The following COMMD4 variants were observed in gnomAD, a reference collection of about 807,000 sequenced individuals.
The protein encoded by COMMD4 is COMM domain containing 4, also known as COMM domain-containing protein 4.
In COMMD4, 18 loss-of-function variants were observed where a neutral mutation model predicts 27.5. The observed-to-expected ratio is 0.65, with a 90% CI of 0.45 to 0.97. COMMD4 has a LOEUF of 0.97. COMMD4 is among the 50% of genes least tolerant of loss of function. COMMD4 has a pLI of 0.00. For synonymous variants in COMMD4, 108 were observed against 108.4 expected, an observed-to-expected ratio of 1.00 and a Z score of 0.02; for missense variants, 243 against 250.0, an observed-to-expected ratio of 0.97 and a Z score of 0.19.
At position 75,338,338 on chromosome 15, in the gene COMMD4, A is replaced by C. The variant is rs763109492; in HGVS notation, c.76-17A>C. On this transcript the variant is annotated splice_polypyrimidine_tract_variant and intron_variant, in intron 2 of 7. Coordinates refer to ENST00000267935, the MANE Select transcript of COMMD4 (RefSeq NM_017828.5). ...TGAGGTTTGCCAGCCTGGCTGATGT[A>C]AGGACTTCCCTTCCAGTCCTCTGTG... The C allele has an allele frequency of 8.2e-6, 13 of 1,586,102 alleles. No homozygotes were observed. Among genetic ancestry groups the C allele is most frequent in the Non-Finnish European group, 1.1e-5 (13 of 1,163,690 alleles).
intron 7 of COMMD4, 31 bp from the exon 8 acceptor site, chr15:75,339,933 GC>G: frequency 3.1e-6 from 5 of 1,614,104 alleles, no homozygotes; most frequent in Non-Finnish European, 4.2e-6. Context: ...CCGCCTGACT[GC>G]CTCCCACCTG....
downstream of COMMD4, chr15:75,341,546 T>C (rs1367453843): frequency 6.6e-6 from 1 of 152,056 alleles, no homozygotes; most frequent in Non-Finnish European, 1.5e-5. Context: ...ATGTTACATA[T>C]AAAACAAACA....
At position 75,340,091 on chromosome 15, in the gene COMMD4, G is replaced by C. The variant is rs188362483; in HGVS notation, c.*86G>C. ...AACTGCTCTTCGGGAGGCAGCCCTG[G>C]TTCTAGGATGCTGAGGCCCTGGCCC... On this transcript the variant is annotated 3_prime_UTR_variant, in exon 8 of 8. Coordinates refer to ENST00000267935, the MANE Select transcript of COMMD4 (RefSeq NM_017828.5). The C allele has an allele frequency of 1.1e-5, 17 of 1,495,854 alleles. No individual in the cohort carries two copies. In the South Asian group the frequency reaches 1.7e-4, roughly 15 times the overall value. 92.7% of individuals were successfully genotyped at this position (1,495,854 alleles called of 1,614,324 possible).
chr15:75,338,070 G>T lies in COMMD4; in HGVS notation c.12G>T (p.Arg4=). 1.9e-6 allele frequency: 3 copies of T among 1,606,982 alleles called. No individual in the cohort carries two copies. The highest frequency in any genetic ancestry group is 2.5e-6 in the Non-Finnish European group (3 of 1,176,632). MRF[R]FCGDLDCPDW... is the part of the protein sequence containing the mutation. Reference sequence around the variant, plus strand: ...GCCTCCCTCCCTTGCAGAGGTTCCGGTTCTGTGGTGATCTGGACTGTCCCG... The same window carrying T: ...GCCTCCCTCCCTTGCAGAGGTTCCGTTTCTGTGGTGATCTGGACTGTCCCG... The change falls in exon 2 of 8, where the codon CGG becomes CGT. Residue 4 remains arginine (R), a synonymous_variant. Coordinates refer to ENST00000267935, the MANE Select transcript of COMMD4 (RefSeq NM_017828.5).
intron 3 of COMMD4, 57 bp from the exon 4 acceptor site, chr15:75,338,589 G>A (rs760823201): frequency 6.2e-7 from 1 of 1,603,538 alleles, no homozygotes; most frequent in South Asian, 1.1e-5. Flanking sequence ...CCAGGCTGGG[G>A]GTGAGGGGCT....
At chr15:75,340,975 T>A (rs2071424123), downstream of COMMD4, 2 of 152,260 alleles carry the variant, frequency 1.3e-5, no homozygotes, top group African/African-American at 4.8e-5. Flanking sequence ...AAGAGAGAAG[T>A]GACCATGCCT....
intron 1 of COMMD4, chr15:75,336,541 AAGT>A (rs2071198856): frequency 3.3e-6 from 1 of 304,504 alleles, no homozygotes. Flanking sequence ...CAGAGCCAGA[AAGT>A]AGTAGTTTTG....
Position 75,337,632 on chromosome 15 carries a change from A to AGCAGG in COMMD4, c.4-429_4-425dup, listed in dbSNP as rs749100394. 433 of 194,590 alleles carry AGCAGG rather than the reference A, an allele frequency of 2.2e-3. 2 individuals carry two copies. Among genetic ancestry groups the AGCAGG allele is most frequent in the Non-Finnish European group, 2.5e-3 (234 of 95,412 alleles). The allele number at this position is 194,590 out of a possible 1,614,324, so 12.1% of individuals were successfully genotyped here. ...GGATAGCAAGCCACACAGAGAGTGC[A>AGCAGG]GCAGGCATGGAGGCGGGAGCAAGGC... is the stretch of plus-strand genomic sequence containing the variant. On this transcript the variant is annotated intron_variant, in intron 1 of 7. Transcript: ENST00000267935.
chr15:75,342,222 A>G (rs897935531), downstream of COMMD4: 4 of 151,860 alleles, frequency 2.6e-5, no homozygotes, highest in African/African-American at 9.7e-5. Context: ...AGAGACAAAT[A>G]CCTCGTCACC....
downstream of COMMD4, chr15:75,340,915 G>A (rs2071423560): frequency 6.6e-6 from 1 of 151,746 alleles, no homozygotes; most frequent in African/African-American, 2.4e-5. Context: ...CCAAAGTGCT[G>A]GGATTACAGG....
In COMMD4 at chr15:75,340,138, C is replaced by G; in HGVS notation, c.*133C>G. The G allele has an allele frequency of 9.9e-7, 1 of 1,005,436 alleles. No homozygotes were observed. The allele number at this position is 1,005,436 out of a possible 1,614,324, so 62.3% of individuals were successfully genotyped here. On this transcript the variant is annotated 3_prime_UTR_variant, in exon 8 of 8. Coordinates refer to ENST00000267935, the MANE Select transcript of COMMD4 (RefSeq NM_017828.5). ...GCCCGGACTCTGGCCTCCCAGATCC[C>G]CAGCTGCCTCACTTCTCTCTTGAGA...
At chr15:75,342,657 G>A (rs960643730), downstream of COMMD4, 3 of 152,190 alleles carry the variant, frequency 2.0e-5, no homozygotes, top group African/African-American at 2.4e-5. Flanking sequence ...CAAAGTTCCA[G>A]TTAGGAGGAG....
rs746027459 is a variant in COMMD4, at chr15:75,340,027, G to A, written c.*22G>A. ...CTGAGGAGAAGGGTGTTCCAGGCCTGTGTGGAGCCGCCCTGCCCGTATGGA... is the reference window on the plus strand; with the variant it reads ...CTGAGGAGAAGGGTGTTCCAGGCCTATGTGGAGCCGCCCTGCCCGTATGGA... On this transcript the variant is annotated 3_prime_UTR_variant, in exon 8 of 8. Coordinates refer to ENST00000267935, the MANE Select transcript of COMMD4 (RefSeq NM_017828.5). The A allele has an allele frequency of 6.2e-7, 1 of 1,613,430 alleles. No individual in the cohort carries two copies. The highest frequency in any genetic ancestry group is 8.5e-7 in the Non-Finnish European group (1 of 1,179,748).
chr15:75,338,404 T>C lies in COMMD4; in HGVS notation c.125T>C (p.Leu42Pro). The part of the protein sequence containing the change: ...LLCSQVLKEL[L>P]GQGIDYEKIL... ...TGCAGCCAGGTACTAAAGGAGCTGC[T>C]GGGACAGGGGATTGATGTGAGTACA... The change falls in exon 3 of 8, where the codon CTG becomes CCG. Residue 42 changes from leucine to proline, a missense_variant. Coordinates refer to ENST00000267935, the MANE Select transcript of COMMD4 (RefSeq NM_017828.5). The C allele has an allele frequency of 6.2e-7, 1 of 1,602,660 alleles. No homozygotes were observed. Among genetic ancestry groups the C allele is most frequent in the Admixed American group, 1.7e-5 (1 of 58,578 alleles).
At position 75,338,398 on chromosome 15, in the gene COMMD4, A is replaced by T. The variant is rs2071299796; in HGVS notation, c.119A>T (p.Glu40Val). 1 of 1,600,972 alleles carries T rather than the reference A, an allele frequency of 6.2e-7. No individual in the cohort carries two copies. Among genetic ancestry groups the T allele is most frequent in the African/African-American group, 1.3e-5 (1 of 74,702 alleles). Residue 40 changes from glutamate to valine, a missense_variant, in exon 3 of 8, where the codon GAG (glutamate) becomes GTG (valine). Glu to Val is a moderately radical substitution (Grantham distance 121). Transcript: ENST00000267935. ...LRLLCSQVLK[E>V]LLGQGIDYEK... ...CTGCTCTGCAGCCAGGTACTAAAGG[A>T]GCTGCTGGGACAGGGGATTGATGTG...
chr15:75,340,020 C>G lies in COMMD4; in HGVS notation c.*15C>G, dbSNP rs781140222. The G allele has an allele frequency of 2.0e-5, 33 of 1,613,836 alleles. No individual in the cohort carries two copies. Among genetic ancestry groups the G allele is most frequent in the Non-Finnish European group, 2.7e-5 (32 of 1,179,848 alleles). ...CCCTGGGCTGAGGAGAAGGGTGTTCCAGGCCTGTGTGGAGCCGCCCTGCCC... is the reference window on the plus strand; with the variant it reads ...CCCTGGGCTGAGGAGAAGGGTGTTCGAGGCCTGTGTGGAGCCGCCCTGCCC... On this transcript the variant is annotated 3_prime_UTR_variant, in exon 8 of 8. Transcript: ENST00000267935.
In COMMD4 at chr15:75,339,296, G is replaced by A. The variant is rs770122258; in HGVS notation, c.334G>A (p.Glu112Lys). Residue 112 changes from glutamate to lysine, a missense_variant, in exon 6 of 8, where the codon GAG becomes AAG. Physicochemically the swap from Glu to Lys is moderately conservative, Grantham distance 56. Transcript: ENST00000267935. Reference sequence around the variant, plus strand: ...GGCCAGCCTGTGCCGCTGTTATGAGGAGAAGCAAAGCCCCTTGCAGAAGCA... The same window carrying A: ...GGCCAGCCTGTGCCGCTGTTATGAGAAGAAGCAAAGCCCCTTGCAGAAGCA... ...HAASLCRCYEEKQSPLQKHLR... is the reference protein window; with the variant it reads ...HAASLCRCYEKKQSPLQKHLR... 13 of 1,612,176 alleles carry A rather than the reference G, an allele frequency of 8.1e-6. No homozygotes were observed. Among genetic ancestry groups the A allele is most frequent in the Non-Finnish European group, 1.0e-5 (12 of 1,180,006 alleles).
At chr15:75,336,400 A>G (rs954473489) in intron 1 of COMMD4, 43 of 825,136 alleles carry the variant, frequency 5.2e-5, no homozygotes, top group East Asian at 2.0e-4. Context: ...GAGTCCTTTC[A>G]GGTCTTCCCC....
At chr15:75,338,761 C>A in intron 4 of COMMD4, 76 bp downstream of exon 4, 1 of 1,506,278 alleles carries the variant, frequency 6.6e-7, no homozygotes, top group East Asian at 2.4e-5. Flanking sequence ...GAGGGGCCCC[C>A]CACCCCTCCC....
Sources: gnomAD v4.1 joint callset for allele counts on GRCh38, gnomAD v4.1.1 for gene constraint, MANE v1.5 for transcripts, NCBI Gene and HGNC (gene_info 2026-07-23, HGNC 2026-07-21) for gene names.